HOMER1: variants seen among roughly 807,000 people sequenced by gnomAD.
HOMER1 encodes the protein homer scaffold protein 1, also known as homer protein homolog 1.
HOMER1 carries 3 observed loss-of-function variants against 48.9 expected under a neutral mutation model. The ratio of observed to expected loss-of-function variants is 0.06; its 90% CI spans 0.03 to 0.16. The LOEUF (loss-of-function observed/expected upper bound fraction) is 0.16. Among genes scored for constraint, HOMER1 ranks in the 10% least tolerant of loss-of-function variants. HOMER1 has a pLI of 1.00. For missense variants in HOMER1, 247 were observed against 411.4 expected, an observed-to-expected ratio of 0.60 and a Z score of 3.46; for synonymous variants, 134 against 146.4, an observed-to-expected ratio of 0.92 and a Z score of 0.61.
rs1748700736 is a variant in HOMER1, at chr5:79,374,143, AC to A, written c.*1865del. 6.6e-6 allele frequency: 1 copy of A among 152,444 alleles called. No homozygotes were observed. The highest frequency in any genetic ancestry group is 2.4e-5 in the African/African-American group (1 of 41,446). 9.4% of individuals were successfully genotyped at this position (152,444 alleles called of 1,614,324 possible). On this transcript the variant is annotated 3_prime_UTR_variant, in exon 9 of 9. Transcript: ENST00000334082. The stretch of plus-strand genomic sequence containing the variant: ...TACTCAGAAACTGATGGATAAAAAC[AC>A]ATTTACTTCAAAATTCCATCAATCA...
chr5:79,382,362 T>C (rs911015397), intron 8 of HOMER1, among the ~76,000 whole-genome samples: 5 of 152,184 alleles, frequency 3.3e-5, no homozygotes, highest in East Asian at 3.8e-4. Flanking sequence ...TGGCACATTA[T>C]AGTCAAATTG....
intron 3 of HOMER1, among the ~76,000 whole-genome samples, chr5:79,449,949 T>C (rs1255710791): frequency 1.3e-5 from 2 of 152,186 alleles, no homozygotes; most frequent in Non-Finnish European, 2.9e-5. Context: ...AGATTCAATA[T>C]ATATTCATAA....
Position 79,421,966 on chromosome 5 carries a change from C to A in HOMER1, c.527+17044G>T, listed in dbSNP as rs139678358. On this transcript the variant is annotated intron_variant, in intron 5 of 8. Transcript: ENST00000334082. ...CATAGGCCGGATGCAGTGGCTCACA[C>A]CTCTAATCCCAGCACTTTGGGAGGC... is the stretch of plus-strand genomic sequence containing the variant. 7.5e-3 allele frequency among the ~76,000 whole-genome samples: 1,142 copies of A among 152,224 alleles called. 10 individuals carry two copies. The highest frequency in any genetic ancestry group is 0.025 in the African/African-American group (1,022 of 41,548).
intron 5 of HOMER1, among the ~76,000 whole-genome samples, chr5:79,419,269 A>T (rs561403952): frequency 2.3e-3 from 357 of 152,308 alleles, no homozygotes; most frequent in African/African-American, 8.2e-3. Flanking sequence ...CTGTGGAACT[A>T]CTTCAGGCCT....
chr5:79,373,757 A>T lies in HOMER1; in HGVS notation c.*2252T>A, dbSNP rs974536391. ...CAAGAGATTGTTAAATCACTAAAAA[A>T]GGAAACAATTAGGCTCTATTGGACA... On this transcript the variant is annotated 3_prime_UTR_variant, in exon 9 of 9. Coordinates refer to ENST00000334082, the MANE Select transcript of HOMER1 (RefSeq NM_004272.5). The T allele has an allele frequency of 6.6e-6, 1 of 152,044 alleles. No individual in the cohort carries two copies. Among genetic ancestry groups the T allele is most frequent in the African/African-American group, 2.4e-5 (1 of 41,460 alleles). 9.4% of individuals were successfully genotyped at this position (152,044 alleles called of 1,614,324 possible).
chr5:79,392,844 C>T (rs996295270), intron 8 of HOMER1, among the ~76,000 whole-genome samples: 2 of 151,790 alleles, frequency 1.3e-5, no homozygotes, highest in African/African-American at 4.8e-5. Context: ...CCTTTTCTAT[C>T]GTTTCTACTG....
intron 5 of HOMER1, among the ~76,000 whole-genome samples, chr5:79,436,087 C>T (rs1043524769): frequency 6.6e-6 from 1 of 151,006 alleles, no homozygotes; most frequent in East Asian, 1.9e-4. Context: ...GATTGCGCCA[C>T]TGCAGTCCGC....
At chr5:79,508,588 TTCC>T (rs1250164661) in intron 1 of HOMER1, among the ~76,000 whole-genome samples, 1 of 152,204 alleles carries the variant, frequency 6.6e-6, no homozygotes, top group East Asian at 1.9e-4. Flanking sequence ...TCCTTTGCAG[TTCC>T]TCGTTTTAGT....
chr5:79,468,604 G>A (rs370500142), intron 1 of HOMER1, among the ~76,000 whole-genome samples: 2 of 152,146 alleles, frequency 1.3e-5, no homozygotes, highest in Non-Finnish European at 2.9e-5. Context: ...AATATTTTCT[G>A]TAGCTATTTC....
At chr5:79,442,788 C>T (rs564931598) in intron 4 of HOMER1, among the ~76,000 whole-genome samples, 33 of 152,280 alleles carry the variant, frequency 2.2e-4, no homozygotes, top group Admixed American at 9.8e-4. Context: ...GTCTTGAGAT[C>T]CCATGGCAGT....
chr5:79,497,976 C>T (rs1752473994), intron 1 of HOMER1, among the ~76,000 whole-genome samples: 1 of 152,168 alleles, frequency 6.6e-6, no homozygotes, highest in Admixed American at 6.5e-5. Context: ...AGTCCAGCAA[C>T]CTGTGTTTCA....
At chr5:79,388,085 A>G (rs957021453) in intron 8 of HOMER1, among the ~76,000 whole-genome samples, 4 of 152,202 alleles carry the variant, frequency 2.6e-5, no homozygotes, top group Admixed American at 1.3e-4. Context: ...GAAGGAGAAA[A>G]CCACTACCAG....
At chr5:79,396,553 T>C (rs1264253789) in intron 8 of HOMER1, among the ~76,000 whole-genome samples, 1 of 151,516 alleles carries the variant, frequency 6.6e-6, no homozygotes, top group Non-Finnish European at 1.5e-5. Flanking sequence ...AAACCCAGAG[T>C]ATTTTTTTTT....
At chr5:79,435,078 T>C (rs899483622) in intron 5 of HOMER1, among the ~76,000 whole-genome samples, 10 of 152,342 alleles carry the variant, frequency 6.6e-5, no homozygotes, top group African/African-American at 2.4e-4. Flanking sequence ...GAGTTCATTA[T>C]AGTATTTTCT....
intron 1 of HOMER1, among the ~76,000 whole-genome samples, chr5:79,506,799 T>G (rs1446544450): frequency 1.3e-5 from 2 of 152,032 alleles, no homozygotes; most frequent in South Asian, 2.1e-4. Context: ...ATGGCACCAC[T>G]GCACTCCAGC....
chr5:79,382,206 C>T (rs558365784), intron 8 of HOMER1, among the ~76,000 whole-genome samples: 123 of 152,080 alleles, frequency 8.1e-4, no homozygotes, highest in African/African-American at 2.7e-3. Context: ...TCAGGGTTCC[C>T]GGAGGTGAAG....
chr5:79,469,263 CA>C (rs1189832830), intron 1 of HOMER1, among the ~76,000 whole-genome samples: 3 of 152,018 alleles, frequency 2.0e-5, no homozygotes, highest in Non-Finnish European at 2.9e-5. Flanking sequence ...GGCTCAGCGT[CA>C]AAAAACAATT....
At position 79,399,590 on chromosome 5, in the gene HOMER1, AT is replaced by A. The variant is rs1299318718; in HGVS notation, c.685-1954del. ...GTTACAGCAAAATTGAAATACATGA[AT>A]TCTAACAAAGCATAAGTACACAACT... On this transcript the variant is annotated intron_variant, in intron 6 of 8. Coordinates refer to ENST00000334082, the MANE Select transcript of HOMER1 (RefSeq NM_004272.5). Among the ~76,000 whole-genome samples the A allele has an allele frequency of 2.0e-5, 3 of 152,198 alleles. No homozygotes were observed. In the East Asian group the frequency reaches 5.8e-4, roughly 29 times the overall value.
intron 1 of HOMER1, among the ~76,000 whole-genome samples, chr5:79,470,895 T>C (rs1379658806): frequency 6.6e-6 from 1 of 152,206 alleles, no homozygotes; most frequent in East Asian, 1.9e-4. Flanking sequence ...AAGTGGATAC[T>C]GTATAAAAAC....
Sources: gnomAD v4.1 joint callset for allele counts (sites outside exome capture counted in the v4.1 genomes callset) on GRCh38, gnomAD v4.1.1 for gene constraint, MANE v1.5 for transcripts, NCBI Gene and HGNC (gene_info 2026-07-23, HGNC 2026-07-21) for gene names.